Variants in TCF7L1 observed in about 807,000 individuals in gnomAD.
The protein encoded by TCF7L1 is transcription factor 7 like 1.
TCF7L1 carries 18 observed loss-of-function variants against 63.7 expected under a neutral mutation model. That is an observed-to-expected ratio of 0.28 (90% CI 0.20 to 0.42). TCF7L1 has a LOEUF of 0.42. Ranked by LOEUF, TCF7L1 falls within the 10% of genes least tolerant of loss-of-function variation. The pLI is 1.00. For synonymous variants in TCF7L1, 355 were observed against 340.9 expected (o/e 1.04, Z -0.46); for missense variants, 654 against 779.3 (o/e 0.84, Z 1.91).
At chr2:85,151,056 C>A (rs1678003402) in intron 3 of TCF7L1, among the ~76,000 whole-genome samples, 1 of 152,094 alleles carries the variant, frequency 6.6e-6, no homozygotes, top group African/African-American at 2.4e-5. Flanking sequence ...TGGGGTCTCT[C>A]ATTTTTAAAA....
intron 3 of TCF7L1, among the ~76,000 whole-genome samples, chr2:85,254,372 C>A (rs994603685): frequency 6.6e-6 from 1 of 152,248 alleles, no homozygotes; most frequent in African/African-American, 2.4e-5. Flanking sequence ...GAATTGAAGC[C>A]AGACTGGCAA....
At chr2:85,149,548 T>C (rs1378651143) in intron 3 of TCF7L1, among the ~76,000 whole-genome samples, 1 of 152,056 alleles carries the variant, frequency 6.6e-6, no homozygotes, top group Non-Finnish European at 1.5e-5. Context: ...TTTTTTGAGA[T>C]AGAGTCTGGC....
At chr2:85,167,448 C>T (rs187892614) in intron 3 of TCF7L1, 1 of 152,292 alleles carries the variant, frequency 6.6e-6, no homozygotes, top group African/African-American at 2.4e-5. Context: ...GATCTGTACC[C>T]CCACATTCAC....
intron 3 of TCF7L1, among the ~76,000 whole-genome samples, chr2:85,219,027 C>A (rs987643439): frequency 1.3e-5 from 2 of 152,124 alleles, no homozygotes; most frequent in Non-Finnish European, 2.9e-5. Flanking sequence ...TAGGCACACA[C>A]CTGTAATCCC....
chr2:85,228,905 C>T lies in TCF7L1; in HGVS notation c.442-54590C>T, dbSNP rs1299856049. Among the ~76,000 whole-genome samples, 4 of 150,706 alleles carry T rather than the reference C, an allele frequency of 2.7e-5. No homozygotes were observed. The East Asian group carries it at 7.8e-4, about 29-fold the overall frequency. Reference sequence around the variant, plus strand: ...GGAGGGTGGTGGGCGCCTGCAGTCCCAGCTACTCGGGAGGCTGAGCCAGGA... The same window carrying T: ...GGAGGGTGGTGGGCGCCTGCAGTCCTAGCTACTCGGGAGGCTGAGCCAGGA... On this transcript the variant is annotated intron_variant, in intron 3 of 11. Transcript: ENST00000282111.
At chr2:85,258,086 G>A (rs1250686282) in intron 3 of TCF7L1, among the ~76,000 whole-genome samples, 14 of 152,206 alleles carry the variant, frequency 9.2e-5, no homozygotes, top group Non-Finnish European at 2.9e-5. Flanking sequence ...TGAGGATTAA[G>A]TGGAAACCAG....
chr2:85,150,164 A>G (rs1035135034), intron 3 of TCF7L1, among the ~76,000 whole-genome samples: 2 of 151,194 alleles, frequency 1.3e-5, no homozygotes, highest in African/African-American at 4.9e-5. Context: ...TCAACATCAC[A>G]TCTTATGCTT....
chr2:85,225,329 T>G (rs1679932571), intron 3 of TCF7L1, among the ~76,000 whole-genome samples: 1 of 152,220 alleles, frequency 6.6e-6, no homozygotes, highest in African/African-American at 2.4e-5. Context: ...CAGTGGTAGC[T>G]TGATGGGGAT....
intron 4 of TCF7L1, among the ~76,000 whole-genome samples, chr2:85,301,675 T>C (rs1681981251): frequency 6.6e-6 from 1 of 152,182 alleles, no homozygotes; most frequent in Admixed American, 6.5e-5. Flanking sequence ...CAGAGAGAAG[T>C]GTTTCAAGTG....
chr2:85,306,520 C>T lies in TCF7L1; in HGVS notation c.1218C>T (p.His406=), dbSNP rs780056984. ...YELARKERQL[H]SQLYPTWSAR... ...TGGCCCGGAAGGAGCGGCAGCTTCA[C>T]TCGCAGCTCTACCCAACCTGGTCAG... Residue 406 remains histidine (H), a synonymous_variant, in exon 10 of 12, where the codon CAC becomes CAT. Coordinates refer to ENST00000282111, the MANE Select transcript of TCF7L1 (RefSeq NM_031283.3). This position sits in a 1 kb window ranked among gnomAD's most constrained non-coding sequence, Gnocchi z 4.3. 6.8e-6 allele frequency: 11 copies of T among 1,614,214 alleles called. No individual in the cohort carries two copies. The highest frequency in any genetic ancestry group is 1.6e-4 in the Middle Eastern group (1 of 6,062).
Position 85,306,193 on chromosome 2 carries a change from C to T in TCF7L1, c.990-13C>T, listed in dbSNP as rs776968684. 47 of 1,613,890 alleles carry T rather than the reference C, an allele frequency of 2.9e-5. No homozygotes were observed. The highest frequency in any genetic ancestry group is 1.6e-4 in the Middle Eastern group (1 of 6,080). On this transcript the variant is annotated splice_polypyrimidine_tract_variant and intron_variant, in intron 8 of 11. Transcript: ENST00000282111. This position sits in a 1 kb window ranked among gnomAD's most constrained non-coding sequence, Gnocchi z 4.3. Reference sequence around the variant, plus strand: ...CACCTGACATGCTAACCTACAACCACGTGCCTTCCCAGGAAATCACCAGTC... The same window carrying T: ...CACCTGACATGCTAACCTACAACCATGTGCCTTCCCAGGAAATCACCAGTC...
intron 3 of TCF7L1, among the ~76,000 whole-genome samples, chr2:85,148,998 T>C (rs2436192): frequency 0.67 from 101,972 of 151,642 alleles, 34,527 homozygotes; most frequent in East Asian, 0.91. Flanking sequence ...AGGCTGGTCT[T>C]GAACTCCTGA....
chr2:85,220,179 C>T (rs764699123), intron 3 of TCF7L1, among the ~76,000 whole-genome samples: 1 of 151,870 alleles, frequency 6.6e-6, no homozygotes, highest in Admixed American at 6.6e-5. Flanking sequence ...ACCTTTAGGA[C>T]AACATTACTT....
chr2:85,242,642 A>G (rs117772874), intron 3 of TCF7L1, among the ~76,000 whole-genome samples: 1 of 152,280 alleles, frequency 6.6e-6, no homozygotes, highest in East Asian at 1.9e-4. Context: ...ATAGAAGGCA[A>G]ATGTTGAGGC....
At chr2:85,282,822 G>A (rs1187243682) in intron 3 of TCF7L1, among the ~76,000 whole-genome samples, 1 of 150,576 alleles carries the variant, frequency 6.6e-6, no homozygotes. Context: ...GTGTGTGTGT[G>A]TGTGTGTGTG....
intron 7 of TCF7L1, 31 bp from the exon 8 acceptor site, chr2:85,305,229 C>G: frequency 3.7e-6 from 6 of 1,614,118 alleles, no homozygotes; most frequent in South Asian, 1.1e-5. Context: ...CTGAACCCCT[C>G]TGTTGCCATT....
intron 3 of TCF7L1, among the ~76,000 whole-genome samples, chr2:85,174,866 C>T (rs974671591): frequency 5.9e-5 from 9 of 152,208 alleles, no homozygotes; most frequent in Non-Finnish European, 1.2e-4. Context: ...GGTCCCTGCC[C>T]GACCCTACCT....
At chr2:85,249,089 G>A (rs567943006) in intron 3 of TCF7L1, among the ~76,000 whole-genome samples, 1 of 152,272 alleles carries the variant, frequency 6.6e-6, no homozygotes, top group Non-Finnish European at 1.5e-5. Context: ...CTAGCCTAAT[G>A]TCTGTTGGCA....
intron 3 of TCF7L1, among the ~76,000 whole-genome samples, chr2:85,225,817 G>GA (rs768605965): frequency 7.9e-5 from 12 of 152,134 alleles, no homozygotes; most frequent in Admixed American, 1.3e-4. Flanking sequence ...ATACTGTGTT[G>GA]ATAGGAGTGG....
Sources: allele counts gnomAD v4.1 joint callset (sites outside exome capture counted in the v4.1 genomes callset), GRCh38; gene constraint gnomAD v4.1.1; non-coding constraint Gnocchi (gnomAD v3.1); transcripts MANE v1.5; gene names NCBI Gene and HGNC (gene_info 2026-07-23, HGNC 2026-07-21).